ETV6: variants seen among roughly 807,000 people sequenced by gnomAD.
ETV6 encodes ETS variant transcription factor 6.
ETV6 carries 16 observed loss-of-function variants against 51.1 expected under a neutral mutation model. The observed-to-expected ratio is 0.31, with a 90% CI of 0.21 to 0.48. The LOEUF (loss-of-function observed/expected upper bound fraction) is 0.48. Among genes scored for constraint, ETV6 ranks in the 20% least tolerant of loss-of-function variants. The pLI is 0.99. For synonymous variants in ETV6, 240 were observed against 224.1 expected, an observed-to-expected ratio of 1.07 and a Z score of -0.64; for missense variants, 458 against 594.8, an observed-to-expected ratio of 0.77 and a Z score of 2.39.
intron 1 of ETV6, among the ~76,000 whole-genome samples, chr12:11,744,714 A>G (rs575098628): frequency 1.3e-5 from 2 of 152,284 alleles, no homozygotes; most frequent in South Asian, 4.1e-4. Context: ...GGGGCTGCAG[A>G]ATGGTGTGAT....
chr12:11,710,671 C>G (rs1865157350), intron 1 of ETV6, among the ~76,000 whole-genome samples: 1 of 152,196 alleles, frequency 6.6e-6, no homozygotes, highest in Non-Finnish European at 1.5e-5. Context: ...CCTTGGGGCC[C>G]TGCGCTCTGC....
chr12:11,657,584 C>G (rs1002862015), intron 1 of ETV6, among the ~76,000 whole-genome samples: 2 of 152,206 alleles, frequency 1.3e-5, no homozygotes, highest in Non-Finnish European at 2.9e-5. Context: ...AAAGTACTCC[C>G]CCATGAAGAC....
intron 2 of ETV6, among the ~76,000 whole-genome samples, chr12:11,794,158 C>T (rs1945643429): frequency 6.6e-6 from 1 of 152,146 alleles, no homozygotes. Flanking sequence ...AAAGCCCAGT[C>T]GATCAATCAG....
intron 1 of ETV6, among the ~76,000 whole-genome samples, chr12:11,652,440 C>T (rs544733678): frequency 6.6e-6 from 1 of 152,262 alleles, no homozygotes; most frequent in Admixed American, 6.5e-5. Flanking sequence ...TTGCTGGTAA[C>T]CCACAAGCAA....
At chr12:11,812,497 C>T (rs1476811908) in intron 2 of ETV6, among the ~76,000 whole-genome samples, 3 of 152,214 alleles carry the variant, frequency 2.0e-5, no homozygotes, top group African/African-American at 2.4e-5. Context: ...TTAGTGCTTT[C>T]CTTCCTCTCA....
chr12:11,735,373 G>A lies in ETV6; in HGVS notation c.34-17077G>A, dbSNP rs533130411. On this transcript the variant is annotated intron_variant, in intron 1 of 7. Coordinates refer to ENST00000396373, the MANE Select transcript of ETV6 (RefSeq NM_001987.5). ...TTTGGTGAGATTAGTGGTGAGATCA[G>A]TGGGTGGCACCTAGGGTGATTTATT... Among the ~76,000 whole-genome samples, 108 of 152,324 alleles carry A rather than the reference G, an allele frequency of 7.1e-4. 1 individual carries two copies. Among genetic ancestry groups the A allele is most frequent in the African/African-American group, 2.3e-3 (96 of 41,578 alleles).
At chr12:11,737,117 G>T (rs1012884768) in intron 1 of ETV6, among the ~76,000 whole-genome samples, 1 of 152,194 alleles carries the variant, frequency 6.6e-6, no homozygotes, top group Non-Finnish European at 1.5e-5. Context: ...GGAAATCAAA[G>T]TCCAAGCTCC....
intron 1 of ETV6, among the ~76,000 whole-genome samples, chr12:11,671,059 T>C (rs1864303559): frequency 6.6e-6 from 1 of 152,080 alleles, no homozygotes; most frequent in Non-Finnish European, 1.5e-5. Flanking sequence ...GCTTTCTTTT[T>C]CCCTAGACAG....
intron 4 of ETV6, among the ~76,000 whole-genome samples, chr12:11,860,681 A>G (rs1946703689): frequency 7.1e-6 from 1 of 141,192 alleles, no homozygotes; most frequent in South Asian, 2.1e-4. Flanking sequence ...TCTGGCTGTT[A>G]TTTGGTTGTT....
chr12:11,662,060 A>G (rs760612261), intron 1 of ETV6, among the ~76,000 whole-genome samples: 19 of 152,210 alleles, frequency 1.2e-4, no homozygotes, highest in Admixed American at 2.0e-4. Flanking sequence ...GTAACATCTC[A>G]AGTAGGGCAC....
chr12:11,701,336 T>G (rs1169987561), intron 1 of ETV6, among the ~76,000 whole-genome samples: 2 of 152,140 alleles, frequency 1.3e-5, no homozygotes, highest in Non-Finnish European at 2.9e-5. Flanking sequence ...TTCCTGTTTG[T>G]GAATTATGAC....
chr12:11,775,973 A>T (rs1484734787), intron 2 of ETV6, among the ~76,000 whole-genome samples: 1 of 152,204 alleles, frequency 6.6e-6, no homozygotes, highest in Non-Finnish European at 1.5e-5. Flanking sequence ...CTAGAGACCC[A>T]TTTCATCCAC....
At chr12:11,690,317 G>A (rs369190144) in intron 1 of ETV6, among the ~76,000 whole-genome samples, 21 of 151,872 alleles carry the variant, frequency 1.4e-4, no homozygotes, top group African/African-American at 3.6e-4. Flanking sequence ...TATCGATTCC[G>A]GCACTGTGTT....
intron 5 of ETV6, 30 bp from the exon 6 acceptor site, chr12:11,884,415 A>G (rs2136594947): frequency 1.9e-6 from 3 of 1,613,082 alleles, no homozygotes; most frequent in South Asian, 1.1e-5. Flanking sequence ...AACATTTTCA[A>G]CAGTGTTTTC....
At chr12:11,770,318 G>A (rs562843324) in intron 2 of ETV6, among the ~76,000 whole-genome samples, 3 of 151,722 alleles carry the variant, frequency 2.0e-5, no homozygotes, top group African/African-American at 7.3e-5. Flanking sequence ...GCCGTGGCCC[G>A]GGTTTCAGGA....
At chr12:11,698,909 G>A (rs1393209965) in intron 1 of ETV6, among the ~76,000 whole-genome samples, 1 of 152,226 alleles carries the variant, frequency 6.6e-6, no homozygotes, top group Non-Finnish European at 1.5e-5. Context: ...AGGTAGGGAA[G>A]TTGGGGATTA....
chr12:11,650,315 T>G (rs1012184198), intron 1 of ETV6, among the ~76,000 whole-genome samples, 155 bp downstream of exon 1: 1 of 150,268 alleles, frequency 6.7e-6, no homozygotes, highest in Non-Finnish European at 1.5e-5. Context: ...TCGCGGTGGC[T>G]GCTGTACCCT....
chr12:11,706,804 T>C (rs1376416803), intron 1 of ETV6, among the ~76,000 whole-genome samples: 1 of 152,252 alleles, frequency 6.6e-6, no homozygotes, highest in Non-Finnish European at 1.5e-5. Context: ...ACAATTTACC[T>C]TTTGAGTTCT....
intron 4 of ETV6, among the ~76,000 whole-genome samples, chr12:11,868,366 G>A (rs1161031189): frequency 1.3e-5 from 2 of 151,862 alleles, no homozygotes; most frequent in African/African-American, 4.8e-5. Context: ...TGTAAAATAG[G>A]GGTACTAGTG....
Sources: allele counts gnomAD v4.1 joint callset (sites outside exome capture counted in the v4.1 genomes callset), GRCh38; gene constraint gnomAD v4.1.1; transcripts MANE v1.5; gene names NCBI Gene and HGNC (gene_info 2026-07-23, HGNC 2026-07-21).